HIVEP3: variants seen among roughly 807,000 people sequenced by gnomAD.
HIVEP3 encodes the protein transcription factor HIVEP3.
Under a neutral mutation model 152.8 loss-of-function variants are expected in HIVEP3, and 49 were observed. The ratio of observed to expected loss-of-function variants is 0.32; its 90% CI spans 0.26 to 0.41. HIVEP3 has a LOEUF of 0.41. Ranked by LOEUF, HIVEP3 falls within the 10% of genes least tolerant of loss-of-function variation. HIVEP3 has a pLI of 1.00. For missense variants in HIVEP3, 2,790 were observed against 3,103.3 expected (o/e 0.90, Z 2.40); for synonymous variants, 1,269 against 1,289.0 (o/e 0.98, Z 0.33).
intron 1 of HIVEP3, among the ~76,000 whole-genome samples, chr1:41,828,639 T>C (rs1161542884): frequency 7.2e-5 from 11 of 152,192 alleles, no homozygotes; most frequent in Admixed American, 7.2e-4. Context: ...ATTAGGTACT[T>C]CCCTGCACAT....
intron 1 of HIVEP3, among the ~76,000 whole-genome samples, chr1:41,747,711 AC>A: frequency 6.6e-6 from 1 of 152,198 alleles, no homozygotes. Context: ...CACCTATGTC[AC>A]CATCTTTAAT....
chr1:41,644,693 CTTTTTTTTTTTTTT>C (rs60511656), intron 2 of HIVEP3, among the ~76,000 whole-genome samples: 4 of 74,738 alleles, frequency 5.4e-5, no homozygotes, highest in East Asian at 4.8e-4. Context: ...CATATCTGTT[CTTTTTTTTTTTTTT>C]TTTTTTTTTT....
At chr1:41,988,793 T>C (rs994915320) in intron 1 of HIVEP3, among the ~76,000 whole-genome samples, 9 of 152,218 alleles carry the variant, frequency 5.9e-5, no homozygotes, top group African/African-American at 2.2e-4. Flanking sequence ...TTATTTATAA[T>C]AGCCAAGATA....
chr1:41,929,824 TTTGC>T (rs1452045006), intron 1 of HIVEP3, among the ~76,000 whole-genome samples: 2 of 149,892 alleles, frequency 1.3e-5, no homozygotes, highest in Non-Finnish European at 3.0e-5. Context: ...ATCATTCTGC[TTTGC>T]TTATTAGTAA....
chr1:41,808,431 G>A (rs1650761286), intron 1 of HIVEP3, among the ~76,000 whole-genome samples: 1 of 152,250 alleles, frequency 6.6e-6, no homozygotes, highest in African/African-American at 2.4e-5. Context: ...AAATTTGACA[G>A]GCACATCATG....
chr1:41,857,724 A>G (rs1171941204), intron 1 of HIVEP3, among the ~76,000 whole-genome samples: 1 of 152,214 alleles, frequency 6.6e-6, no homozygotes, highest in Non-Finnish European at 1.5e-5. Flanking sequence ...TGAGAAAAGG[A>G]CTTGCTCAAA....
intron 1 of HIVEP3, among the ~76,000 whole-genome samples, chr1:41,801,129 A>T (rs1558281194): frequency 6.6e-6 from 1 of 152,246 alleles, no homozygotes; most frequent in Admixed American, 6.5e-5. Context: ...AGGGCCCAGA[A>T]AAGAAGAAGA....
At chr1:41,600,371 C>G (rs1644728072) in intron 3 of HIVEP3, among the ~76,000 whole-genome samples, 1 of 152,162 alleles carries the variant, frequency 6.6e-6, no homozygotes, top group Non-Finnish European at 1.5e-5. Context: ...TAGCATGTGT[C>G]AGAATTTCCT....
chr1:41,518,987 C>T (rs600401), intron 6 of HIVEP3, among the ~76,000 whole-genome samples: 88,592 of 151,740 alleles, frequency 0.58, 26,579 homozygotes, highest in East Asian at 0.99. Context: ...ACCTCTAGGG[C>T]AGCTCACAGG....
chr1:41,632,586 T>C (rs547888175), intron 2 of HIVEP3, among the ~76,000 whole-genome samples: 1 of 151,980 alleles, frequency 6.6e-6, no homozygotes, highest in South Asian at 2.1e-4. Flanking sequence ...TGAAACCCTG[T>C]CTCTACTGAA....
intron 1 of HIVEP3, among the ~76,000 whole-genome samples, chr1:41,780,709 G>A (rs375025080): frequency 6.6e-6 from 1 of 152,168 alleles, no homozygotes; most frequent in Non-Finnish European, 1.5e-5. Flanking sequence ...AGCTGCTTCT[G>A]TCTGGGGCTC....
At chr1:41,848,389 A>C (rs1345260486) in intron 1 of HIVEP3, 3 of 152,210 alleles carry the variant, frequency 2.0e-5, no homozygotes, top group Admixed American at 1.3e-4. Flanking sequence ...TCCTCCATTC[A>C]GTGGGTTCTG....
intron 2 of HIVEP3, among the ~76,000 whole-genome samples, chr1:41,642,626 T>G (rs1202117663): frequency 6.6e-6 from 1 of 152,186 alleles, no homozygotes; most frequent in Admixed American, 6.5e-5. Context: ...AACCATCTGA[T>G]CTCTGAGGAC....
chr1:41,810,730 T>C (rs755402929), intron 1 of HIVEP3, among the ~76,000 whole-genome samples: 22 of 152,248 alleles, frequency 1.4e-4, no homozygotes, highest in Middle Eastern at 3.2e-3. Flanking sequence ...TTTGAGTTTA[T>C]ATATGGTTAC....
chr1:41,568,276 G>T (rs1324574752), intron 5 of HIVEP3, among the ~76,000 whole-genome samples: 1 of 152,258 alleles, frequency 6.6e-6, no homozygotes, highest in Non-Finnish European at 1.5e-5. Context: ...AGGCTTCACT[G>T]AAGGGTGATG....
intron 1 of HIVEP3, among the ~76,000 whole-genome samples, chr1:41,866,751 T>C (rs116060772): frequency 4.5e-4 from 68 of 152,312 alleles, no homozygotes; most frequent in African/African-American, 1.6e-3. Context: ...AGCATGAGCC[T>C]AGTCTTTTCC....
At chr1:41,891,344 C>T (rs1356562674) in intron 1 of HIVEP3, among the ~76,000 whole-genome samples, 1 of 152,220 alleles carries the variant, frequency 6.6e-6, no homozygotes. Context: ...AGACAGTTTG[C>T]ATCCAACTGG....
intron 2 of HIVEP3, among the ~76,000 whole-genome samples, chr1:41,646,505 C>G (rs929089592): frequency 6.6e-6 from 1 of 152,174 alleles, no homozygotes; most frequent in African/African-American, 2.4e-5. Context: ...GGGTGGCATT[C>G]CTGGCAGAAG....
At chr1:41,578,981 T>C (rs1350602078) in intron 4 of HIVEP3, among the ~76,000 whole-genome samples, 4 of 152,234 alleles carry the variant, frequency 2.6e-5, no homozygotes, top group African/African-American at 7.2e-5. Flanking sequence ...GTGGTGGCTT[T>C]TGTCTGACAT....
Sources: allele counts gnomAD v4.1 joint callset (sites outside exome capture counted in the v4.1 genomes callset), GRCh38; gene constraint gnomAD v4.1.1; transcripts MANE v1.5; gene names NCBI Gene and HGNC (gene_info 2026-07-23, HGNC 2026-07-21).